ABI3BP: variants seen among roughly 807,000 people sequenced by gnomAD.
The protein encoded by ABI3BP is ABI family member 3 binding protein, also known as target of Nesh-SH3.
ABI3BP carries 216 observed loss-of-function variants against 268.6 expected under a neutral mutation model. The ratio of observed to expected loss-of-function variants is 0.80; its 90% CI spans 0.72 to 0.90. The LOEUF (loss-of-function observed/expected upper bound fraction) is 0.90, where lower values mean the gene tolerates loss of function less well. Ranked by LOEUF, ABI3BP falls within the 40% of genes least tolerant of loss-of-function variation. The probability of loss-of-function intolerance (pLI) is 0.00; values close to 1 mark genes in which losing one functional copy is unlikely to be tolerated. For missense variants in ABI3BP, 2,090 were observed against 2,182.4 expected (o/e 0.96, Z 0.84); for synonymous variants, 730 against 730.0 (o/e 1.00, Z 0.00).
chr3:100,854,760 T>C (rs1274931573), intron 14 of ABI3BP, among the ~76,000 whole-genome samples: 1 of 152,196 alleles, frequency 6.6e-6, no homozygotes, highest in African/African-American at 2.4e-5. Flanking sequence ...ATAAAATAGA[T>C]AATTCAATTT....
intron 18 of ABI3BP, 64 bp downstream of exon 18, chr3:100,848,737 C>T: frequency 6.6e-7 from 1 of 1,524,164 alleles, no homozygotes; most frequent in Non-Finnish European, 9.1e-7. Flanking sequence ...ATCCTTCTTA[C>T]TATAAGAAAA....
At chr3:100,805,306 C>T (rs1389466422) in intron 50 of ABI3BP, among the ~76,000 whole-genome samples, 1 of 151,958 alleles carries the variant, frequency 6.6e-6, no homozygotes, top group Non-Finnish European at 1.5e-5. Context: ...GCTTGAAGTC[C>T]TCTTGGGCAA....
At chr3:100,856,718 G>A (rs2098944117) in intron 14 of ABI3BP, among the ~76,000 whole-genome samples, 1 of 152,142 alleles carries the variant, frequency 6.6e-6, no homozygotes, top group South Asian at 2.1e-4. Context: ...GTAAATTAAG[G>A]AGGCTTAACA....
At position 100,823,619 on chromosome 3, in the gene ABI3BP, C is replaced by CAAAAA. The variant is rs72135669; in HGVS notation, c.2747-110_2747-106dup. 1,381 of 731,700 alleles carry CAAAAA rather than the reference C, an allele frequency of 1.9e-3. 2 individuals are homozygous for CAAAAA. The highest frequency in any genetic ancestry group is 2.1e-3 in the Non-Finnish European group (1,010 of 480,534). 45.3% of individuals were successfully genotyped at this position (731,700 alleles called of 1,614,324 possible). On this transcript the variant is annotated intron_variant, in intron 36 of 67. Coordinates refer to ENST00000471714, the MANE Select transcript of ABI3BP (RefSeq NM_001375547.2). ...TGGTATGTCAATTCTTCCAGAGAAA[C>CAAAAA]AAAAAAAAAATTAACTTCTTAACTG...
intron 30 of ABI3BP, 110 bp downstream of exon 30, chr3:100,833,015 A>T: frequency 1.1e-6 from 1 of 919,858 alleles, no homozygotes; most frequent in Non-Finnish European, 1.6e-6. Context: ...TGAGATGAAT[A>T]CTGTAATGAG....
At chr3:100,840,701 A>G in intron 22 of ABI3BP, 119 bp downstream of exon 22, 2 of 798,498 alleles carry the variant, frequency 2.5e-6, no homozygotes, top group Non-Finnish European at 3.8e-6. Flanking sequence ...AGAACAGAGC[A>G]CTCACACACA....
intron 19 of ABI3BP, 160 bp from the exon 20 acceptor site, chr3:100,846,606 G>T: frequency 1.9e-6 from 1 of 526,206 alleles, no homozygotes; most frequent in Non-Finnish European, 3.3e-6. Context: ...AATATTTCAT[G>T]ATCCATTCAC....
intron 51 of ABI3BP, 47 bp downstream of exon 51, chr3:100,804,745 T>G (rs760949700): frequency 1.3e-6 from 2 of 1,520,066 alleles, no homozygotes; most frequent in South Asian, 2.2e-5. Flanking sequence ...TGAAGCAGAG[T>G]GGGACAGTAG....
At chr3:100,870,624 G>A (rs1051379182) in intron 9 of ABI3BP, among the ~76,000 whole-genome samples, 2 of 152,142 alleles carry the variant, frequency 1.3e-5, no homozygotes, top group African/African-American at 4.8e-5. Context: ...AGCTATTATA[G>A]AAAATGGTAT....
intron 3 of ABI3BP, among the ~76,000 whole-genome samples, chr3:100,901,186 A>C (rs1037363204): frequency 6.6e-6 from 1 of 152,190 alleles, no homozygotes; most frequent in Non-Finnish European, 1.5e-5. Flanking sequence ...GGGATGATCT[A>C]TGAGGCCAGG....
At chr3:100,786,641 C>A (rs975824362) in intron 57 of ABI3BP, among the ~76,000 whole-genome samples, 4 of 152,104 alleles carry the variant, frequency 2.6e-5, no homozygotes, top group African/African-American at 9.7e-5. Context: ...ACAATTTGTA[C>A]CTGCCTTCCT....
chr3:100,828,036 C>A (rs2098419955), intron 34 of ABI3BP, among the ~76,000 whole-genome samples: 1 of 151,490 alleles, frequency 6.6e-6, no homozygotes, highest in Non-Finnish European at 1.5e-5. Context: ...AATATAAACC[C>A]CCAAAAAAGG....
chr3:100,879,830 C>T (rs2099208095), intron 6 of ABI3BP, among the ~76,000 whole-genome samples: 1 of 152,164 alleles, frequency 6.6e-6, no homozygotes, highest in Non-Finnish European at 1.5e-5. Context: ...CAAATAGCTG[C>T]GTCTCTACAG....
At chr3:100,808,998 C>T (rs564377522) in intron 49 of ABI3BP, among the ~76,000 whole-genome samples, 42 of 152,176 alleles carry the variant, frequency 2.8e-4, no homozygotes, top group African/African-American at 9.6e-4. Context: ...TAGTTTCAGA[C>T]ACCTTAAGAA....
In ABI3BP at chr3:100,820,159, T is replaced by A. The variant is rs1033185595; in HGVS notation, c.3031+61A>T. Reference sequence around the variant, plus strand: ...CAGGCCATCACTCCCATCATTGGCATCAGTTATAAATTCCTGAGAGCAGCT... The same window carrying A: ...CAGGCCATCACTCCCATCATTGGCAACAGTTATAAATTCCTGAGAGCAGCT... On this transcript the variant is annotated intron_variant, in intron 40 of 67. Coordinates refer to ENST00000471714, the MANE Select transcript of ABI3BP (RefSeq NM_001375547.2). 2.9e-6 allele frequency: 4 copies of A among 1,377,034 alleles called. No individual in the cohort carries two copies. In the African/African-American group the frequency reaches 4.3e-5, roughly 15 times the overall value. The allele number at this position is 1,377,034 out of a possible 1,614,324, so 85.3% of individuals were successfully genotyped here. A position where few individuals can be genotyped will look rare whatever the true frequency, so the allele number is the denominator to read the frequency against.
chr3:100,829,477 G>T, intron 33 of ABI3BP, 104 bp downstream of exon 33: 1 of 1,055,682 alleles, frequency 9.5e-7, no homozygotes, highest in Non-Finnish European at 1.4e-6. Flanking sequence ...TCATTGCCTA[G>T]TCTGATGTGG....
intron 1 of ABI3BP, among the ~76,000 whole-genome samples, chr3:100,938,464 T>C (rs1043530216): frequency 5.9e-5 from 9 of 152,084 alleles, no homozygotes; most frequent in African/African-American, 1.9e-4. Context: ...GAAAAAACCA[T>C]GGAGTTTCAG....
At chr3:100,863,308 T>G in intron 12 of ABI3BP, 1 of 159,966 alleles carries the variant, frequency 6.3e-6, no homozygotes, top group Non-Finnish European at 1.3e-5. Flanking sequence ...ATATGTAAGC[T>G]CCTCCCCCAA....
chr3:100,869,208 C>A (rs1011184210), intron 9 of ABI3BP, among the ~76,000 whole-genome samples: 2 of 151,694 alleles, frequency 1.3e-5, no homozygotes, highest in African/African-American at 2.4e-5. Flanking sequence ...ATCACATTAG[C>A]CTAAAATCAG....
Sources: allele counts gnomAD v4.1 joint callset (sites outside exome capture counted in the v4.1 genomes callset), GRCh38; gene constraint gnomAD v4.1.1; transcripts MANE v1.5; gene names NCBI Gene and HGNC (gene_info 2026-07-23, HGNC 2026-07-21).